The following RAD51B variants were observed in gnomAD, a reference collection of about 807,000 sequenced individuals.
RAD51B encodes the protein DNA repair protein RAD51 homolog 2.
Under a neutral mutation model 42.2 loss-of-function variants are expected in RAD51B, and 38 were observed. The ratio of observed to expected loss-of-function variants is 0.90; its 90% CI spans 0.70 to 1.18. The LOEUF (loss-of-function observed/expected upper bound fraction) is 1.18, where lower values mean the gene tolerates loss of function less well. RAD51B is among the 50% of genes most tolerant of loss of function. The pLI is 0.00. For missense variants in RAD51B, 373 were observed against 400.7 expected (o/e 0.93, Z 0.59); for synonymous variants, 154 against 145.2 (o/e 1.06, Z -0.43).
chr14:68,278,480 T>C (rs140057053), intron 7 of RAD51B, among the ~76,000 whole-genome samples: 40 of 152,344 alleles, frequency 2.6e-4, no homozygotes, highest in African/African-American at 9.6e-4. Flanking sequence ...TGTTTGATAC[T>C]CACTGGGTAC....
rs1595045658 is a variant in RAD51B at position 68,648,072 on chromosome 14, T to TATATATACAC, written c.1037-2708_1037-2707insTATATACACA. 1.4e-4 allele frequency among the ~76,000 whole-genome samples: 16 copies of TATATATACAC among 113,414 alleles called. 2 individuals are homozygous for TATATATACAC. Among genetic ancestry groups the TATATATACAC allele is most frequent in the East Asian group, 4.8e-4 (2 of 4,136 alleles). The allele number at this position is 113,414 out of a possible 152,430, so 74.4% of individuals were successfully genotyped here. On this transcript the variant is annotated intron_variant, in intron 10 of 11. Transcript: ENST00000488612. ...ATAGATGTGTGTGTGTATATATATA[T>TATATATACAC]ACACGTATATATACGTGTGTGTATA...
intron 8 of RAD51B, among the ~76,000 whole-genome samples, chr14:68,314,366 G>C (rs7152405): frequency 0.018 from 2,748 of 152,188 alleles, 79 homozygotes; most frequent in African/African-American, 0.059. Flanking sequence ...GCTAGCCAAA[G>C]AAAATGCAAC....
At chr14:68,489,761 G>A (rs926712762) in intron 10 of RAD51B, among the ~76,000 whole-genome samples, 1 of 152,134 alleles carries the variant, frequency 6.6e-6, no homozygotes, top group Non-Finnish European at 1.5e-5. Flanking sequence ...ATTCTTCTCA[G>A]GGTCATTTGC....
At chr14:68,215,862 G>A (rs1439330562) in intron 7 of RAD51B, among the ~76,000 whole-genome samples, 2 of 152,122 alleles carry the variant, frequency 1.3e-5, no homozygotes, top group African/African-American at 4.8e-5. Context: ...TAACATAGAG[G>A]AACTTACTCA....
intron 8 of RAD51B, among the ~76,000 whole-genome samples, chr14:68,357,914 T>C (rs911864957): frequency 6.6e-6 from 1 of 152,214 alleles, no homozygotes; most frequent in Non-Finnish European, 1.5e-5. Context: ...GTGAGAGATA[T>C]GTGACTCTTC....
At chr14:68,380,505 A>AGT (rs2083458908) in intron 8 of RAD51B, among the ~76,000 whole-genome samples, 1 of 152,208 alleles carries the variant, frequency 6.6e-6, no homozygotes, top group Non-Finnish European at 1.5e-5. Flanking sequence ...TCAGGATGTC[A>AGT]GTGTGTGTGT....
intron 11 of RAD51B, among the ~76,000 whole-genome samples, chr14:68,668,764 A>T (rs1228891160): frequency 6.6e-6 from 1 of 152,200 alleles, no homozygotes; most frequent in African/African-American, 2.4e-5. Context: ...CATCTCTCCC[A>T]ATCGCTGGTT....
intron 7 of RAD51B, among the ~76,000 whole-genome samples, chr14:68,067,571 G>T (rs2140457153): frequency 6.6e-6 from 1 of 151,926 alleles, no homozygotes; most frequent in Middle Eastern, 3.4e-3. Context: ...GAATTTTGAA[G>T]TCACATTTGA....
At chr14:68,506,722 A>G (rs572702643) in intron 10 of RAD51B, among the ~76,000 whole-genome samples, 10 of 152,234 alleles carry the variant, frequency 6.6e-5, no homozygotes, top group African/African-American at 1.9e-4. Context: ...ACAAAGGAGA[A>G]GGTTTGGGAA....
intron 7 of RAD51B, among the ~76,000 whole-genome samples, chr14:68,175,638 C>T (rs554964565): frequency 6.6e-5 from 10 of 152,278 alleles, no homozygotes; most frequent in Admixed American, 6.5e-4. Flanking sequence ...TATGGTTCCC[C>T]AGCCAAATTC....
rs149411453 is a variant in RAD51B at position 67,899,167 on chromosome 14, C to T, written c.756+11963C>T. ...ATGCTATTCTCCTGCCTCAGCCTCC[C>T]GAGTAGCTGGGACTATAGGCACCCG... On this transcript the variant is annotated intron_variant, in intron 7 of 10. Transcript: ENST00000471583. Among the ~76,000 whole-genome samples the T allele has an allele frequency of 7.5e-3, 1,136 of 151,944 alleles. 26 individuals are homozygous for T. The East Asian group carries it at 0.086, about 12-fold the overall frequency.
At chr14:67,891,206 A>ATT (rs2043209151) in intron 7 of RAD51B, among the ~76,000 whole-genome samples, 1 of 152,088 alleles carries the variant, frequency 6.6e-6, no homozygotes, top group Non-Finnish European at 1.5e-5. Context: ...AGTTAACACT[A>ATT]TTTACAAAAG....
rs1595382722 is a variant in RAD51B, at chr14:68,090,897, T to A, written c.757-200987T>A. Among the ~76,000 whole-genome samples, 3 of 121,716 alleles carry A rather than the reference T, an allele frequency of 2.5e-5. No homozygotes were observed. The East Asian group carries it at 7.9e-4, about 32-fold the overall frequency. The allele number at this position is 121,716 out of a possible 152,430, so 79.9% of individuals were successfully genotyped here. ...CCCCAGAGTGTGATGTTCCCCTTCC[T>A]GTGTCCATGTGTTCTCATTGTTCAA... On this transcript the variant is annotated intron_variant, in intron 7 of 10. Transcript: ENST00000471583.
intron 8 of RAD51B, among the ~76,000 whole-genome samples, chr14:68,328,356 G>A (rs1883406879): frequency 6.6e-6 from 1 of 152,112 alleles, no homozygotes; most frequent in African/African-American, 2.4e-5. Flanking sequence ...TGCATTGCTA[G>A]GCAGTGCTTC....
chr14:68,125,749 G>T lies in RAD51B; in HGVS notation c.757-166135G>T, dbSNP rs371784659. 8.8e-3 allele frequency among the ~76,000 whole-genome samples: 1,246 copies of T among 141,122 alleles called. 16 individuals are homozygous for T. Among genetic ancestry groups the T allele is most frequent in the African/African-American group, 0.035 (1,162 of 33,384 alleles). 92.6% of individuals were successfully genotyped at this position (141,122 alleles called of 152,430 possible). A position where few individuals can be genotyped will look rare whatever the true frequency, so the allele number is the denominator to read the frequency against. On this transcript the variant is annotated intron_variant, in intron 7 of 10. Transcript: ENST00000471583. ...TAGGTATTTAAGAGGTTTTTGTTTT[G>T]TTTTGTTTTGTTTTTTCAAAGATAA...
At chr14:68,165,947 A>G (rs2078740252) in intron 7 of RAD51B, among the ~76,000 whole-genome samples, 1 of 152,172 alleles carries the variant, frequency 6.6e-6, no homozygotes, top group African/African-American at 2.4e-5. Context: ...CTCCCCCTTT[A>G]CAATGATCTC....
intron 7 of RAD51B, among the ~76,000 whole-genome samples, chr14:67,909,038 T>C (rs2043876692): frequency 6.6e-6 from 1 of 152,238 alleles, no homozygotes; most frequent in South Asian, 2.1e-4. Context: ...ATATAGCTAA[T>C]GGAATACAAG....
chr14:68,017,129 A>G (rs1449994373), intron 7 of RAD51B, among the ~76,000 whole-genome samples: 2 of 152,142 alleles, frequency 1.3e-5, no homozygotes, highest in Non-Finnish European at 2.9e-5. Flanking sequence ...TTTTTGTCAC[A>G]AAACCAAATT....
chr14:67,820,955 AG>A (rs1399487561), intron 1 of RAD51B, among the ~76,000 whole-genome samples: 1 of 152,196 alleles, frequency 6.6e-6, no homozygotes, highest in African/African-American at 2.4e-5. Context: ...TGTATGAGTG[AG>A]AAGGAAGTGA....
Sources: allele counts gnomAD v4.1 joint callset (sites outside exome capture counted in the v4.1 genomes callset), GRCh38; gene constraint gnomAD v4.1.1; transcripts MANE v1.5; gene names NCBI Gene and HGNC (gene_info 2026-07-23, HGNC 2026-07-21).